ELP4: variants seen among roughly 807,000 people sequenced by gnomAD.
The protein encoded by ELP4 is elongator acetyltransferase complex subunit 4.
Under a neutral mutation model 48.9 loss-of-function variants are expected in ELP4, and 51 were observed. The ratio of observed to expected loss-of-function variants is 1.04; its 90% CI spans 0.83 to 1.32. ELP4 has a LOEUF of 1.32. ELP4 is among the 40% of genes most tolerant of loss of function. ELP4 has a pLI of 0.00. For missense variants in ELP4, 519 were observed against 514.6 expected (o/e 1.01, Z -0.08); for synonymous variants, 210 against 189.2 (o/e 1.11, Z -0.90).
intron 3 of ELP4, among the ~76,000 whole-genome samples, chr11:31,549,109 T>G (rs1313568508): frequency 6.6e-6 from 1 of 151,786 alleles, no homozygotes; most frequent in Non-Finnish European, 1.5e-5. Flanking sequence ...CCAAAAGCAA[T>G]GGCAACAAAA....
chr11:31,749,723 T>C (rs1947676320), intron 9 of ELP4, among the ~76,000 whole-genome samples: 1 of 152,146 alleles, frequency 6.6e-6, no homozygotes, highest in Non-Finnish European at 1.5e-5. Context: ...AATACATAAA[T>C]ATAACCACAT....
chr11:31,554,139 A>G (rs1340456957), intron 3 of ELP4, among the ~76,000 whole-genome samples: 1 of 152,192 alleles, frequency 6.6e-6, no homozygotes, highest in South Asian at 2.1e-4. Flanking sequence ...GCTCCCAGTA[A>G]TTCTATATTA....
chr11:31,771,869 C>A (rs1229284858), intron 9 of ELP4, among the ~76,000 whole-genome samples: 1 of 152,114 alleles, frequency 6.6e-6, no homozygotes, highest in Admixed American at 6.5e-5. Context: ...GTAGTCCCAG[C>A]TTCTCAGGAG....
chr11:31,752,788 C>A (rs192006183), intron 9 of ELP4, among the ~76,000 whole-genome samples: 8 of 148,936 alleles, frequency 5.4e-5, no homozygotes, highest in African/African-American at 2.0e-4. Context: ...GAGCTGGGAT[C>A]GCGCCACTGA....
intron 9 of ELP4, among the ~76,000 whole-genome samples, chr11:31,672,171 C>T (rs954194894): frequency 6.6e-6 from 1 of 152,142 alleles, no homozygotes; most frequent in African/African-American, 2.4e-5. Context: ...CTTTTACCAG[C>T]TTACCATCTG....
chr11:31,731,302 T>TC (rs1277604159), intron 9 of ELP4, among the ~76,000 whole-genome samples: 1 of 152,130 alleles, frequency 6.6e-6, no homozygotes, highest in Non-Finnish European at 1.5e-5. Context: ...AATATGTTAA[T>TC]CAAACTCAGA....
intron 9 of ELP4, among the ~76,000 whole-genome samples, chr11:31,695,416 T>A (rs539579084): frequency 6.6e-6 from 1 of 152,020 alleles, no homozygotes; most frequent in African/African-American, 2.4e-5. Flanking sequence ...TTGAGATAAT[T>A]ATGTGGTTTT....
In ELP4 at chr11:31,684,961, T is replaced by G. The variant is rs182836753; in HGVS notation, c.1143+34740T>G. On this transcript the variant is annotated intron_variant, in intron 9 of 9. Transcript: ENST00000640961. ...TTACTAAACAAATTATAAAATGATT[T>G]CAATATATGTACCCACGTAAGCATA... 1.3e-5 allele frequency among the ~76,000 whole-genome samples: 2 copies of G among 152,218 alleles called. 1 individual carries two copies. Among genetic ancestry groups the G allele is most frequent in the South Asian group, 4.1e-4 (2 of 4,832 alleles).
chr11:31,533,478 C>T (rs1407726365), intron 2 of ELP4, among the ~76,000 whole-genome samples: 1 of 148,162 alleles, frequency 6.7e-6, no homozygotes. Context: ...CCCGAGTTAA[C>T]GCCATTCTCC....
At chr11:31,672,982 G>A (rs1945840231) in intron 9 of ELP4, among the ~76,000 whole-genome samples, 4 of 152,012 alleles carry the variant, frequency 2.6e-5, no homozygotes. Flanking sequence ...ATAAAGGGAT[G>A]ACAGTAGTTT....
intron 1 of ELP4, among the ~76,000 whole-genome samples, chr11:31,513,645 G>T (rs1956051428): frequency 6.6e-6 from 1 of 151,974 alleles, no homozygotes; most frequent in South Asian, 2.1e-4. Flanking sequence ...GTATTAATTT[G>T]ACCTCATTTA....
Position 31,509,803 on chromosome 11 carries a change from T to C in ELP4, c.19T>C (p.Cys7Arg), listed in dbSNP as rs1955944402. 3 of 1,614,134 alleles carry C rather than the reference T, an allele frequency of 1.9e-6. No individual in the cohort carries two copies. Among genetic ancestry groups the C allele is most frequent in the Non-Finnish European group, 2.5e-6 (3 of 1,180,030 alleles). MAAVAT[C>R]GSVAASTGSA... is the part of the protein sequence containing the mutation. ...CTCTAAGATGGCGGCAGTGGCAACC[T>C]GCGGTAGTGTTGCCGCGAGTACTGG... Residue 7 changes from cysteine to arginine, a missense_variant, in exon 1 of 10, where the codon TGC becomes CGC. Physicochemically the swap from Cys to Arg is radical, Grantham distance 180. Transcript: ENST00000640961.
chr11:31,539,441 G>A (rs190689502), intron 2 of ELP4, among the ~76,000 whole-genome samples: 104 of 152,192 alleles, frequency 6.8e-4, no homozygotes, highest in Non-Finnish European at 1.0e-4. Context: ...GCGACAGAAC[G>A]AGACTCCGTC....
intron 5 of ELP4, among the ~76,000 whole-genome samples, chr11:31,613,829 C>T (rs1309806000): frequency 2.0e-5 from 3 of 151,278 alleles, no homozygotes; most frequent in Non-Finnish European, 4.4e-5. Context: ...CTGCCTCGGC[C>T]TCCTGAGTAG....
chr11:31,662,491 C>T (rs1945582437), intron 9 of ELP4: 1 of 396,968 alleles, frequency 2.5e-6, no homozygotes, highest in South Asian at 1.3e-4. Flanking sequence ...TTGTAACAGC[C>T]ATTCCTATCA....
intron 9 of ELP4, among the ~76,000 whole-genome samples, chr11:31,732,201 A>G (rs1163843140): frequency 6.6e-6 from 1 of 152,222 alleles, no homozygotes; most frequent in Non-Finnish European, 1.5e-5. Context: ...TTAATTCTAT[A>G]GAATTTAAAT....
intron 6 of ELP4, 78 bp from the exon 7 acceptor site, chr11:31,632,134 AAAGAT>A: frequency 8.7e-7 from 1 of 1,145,974 alleles, no homozygotes; most frequent in Non-Finnish European, 1.2e-6. Flanking sequence ...CTGATGTTAT[AAAGAT>A]AAGAACTGAC....
At chr11:31,745,866 G>T (rs1169668945) in intron 9 of ELP4, among the ~76,000 whole-genome samples, 2 of 152,090 alleles carry the variant, frequency 1.3e-5, no homozygotes, top group East Asian at 1.9e-4. Flanking sequence ...AAAAGCAATG[G>T]CAACAAAAGC....
chr11:31,684,686 G>T (rs1174333932), intron 9 of ELP4, among the ~76,000 whole-genome samples: 1 of 152,156 alleles, frequency 6.6e-6, no homozygotes, highest in East Asian at 1.9e-4. Context: ...AGATGGGGAA[G>T]GATGTGCTTT....
Sources: allele counts gnomAD v4.1 joint callset (sites outside exome capture counted in the v4.1 genomes callset), GRCh38; gene constraint gnomAD v4.1.1; transcripts MANE v1.5; gene names NCBI Gene and HGNC (gene_info 2026-07-23, HGNC 2026-07-21).